Variants in PPP6R3 observed in about 807,000 individuals in gnomAD.
PPP6R3 encodes the protein serine/threonine-protein phosphatase 6 regulatory subunit 3.
PPP6R3 carries 38 observed loss-of-function variants against 110.7 expected under a neutral mutation model. The observed-to-expected ratio is 0.34, with a 90% CI of 0.26 to 0.45. The LOEUF (loss-of-function observed/expected upper bound fraction) is 0.45, where lower values mean the gene tolerates loss of function less well. PPP6R3 is among the 20% of genes least tolerant of loss of function. PPP6R3 has a pLI of 1.00. For synonymous variants in PPP6R3, 369 were observed against 373.5 expected (o/e 0.99, Z 0.14); for missense variants, 870 against 1,062.4 (o/e 0.82, Z 2.52).
rs2099595858 is a variant in PPP6R3, at chr11:68,591,723, T to TA, written c.1916+18dup. On this transcript the variant is annotated intron_variant, in intron 18 of 23. Transcript: ENST00000393800. ...ACGATCCAGGTGAAAGATAGTTGGT[T>TA]ATAGTTGTAATTATAGCCAACCTGT... is the stretch of plus-strand genomic sequence containing the variant. 10 of 1,601,910 alleles carry TA rather than the reference T, an allele frequency of 6.2e-6. No individual in the cohort carries two copies. Among genetic ancestry groups the TA allele is most frequent in the Non-Finnish European group, 7.7e-6 (9 of 1,175,408 alleles).
rs762895881 is a variant in PPP6R3, at chr11:68,558,676, C to T, written c.842C>T (p.Pro281Leu). 3 of 1,600,906 alleles carry T rather than the reference C, an allele frequency of 1.9e-6. No individual in the cohort carries two copies. The East Asian group carries it at 6.7e-5, about 36-fold the overall frequency. ...ILLTLLETRRPTFEGHIEICP... is the reference protein window; with the variant it reads ...ILLTLLETRRLTFEGHIEICP... ...CTGACTTTACTTGAGACACGACGAC[C>T]AACGTAAGCTTTTCTTATATCTTAC... The change falls in exon 8 of 24, where the codon CCA (proline) becomes CTA (leucine). Residue 281 changes from proline to leucine, a missense_variant. By Grantham distance (98) the Pro-to-Leu change is moderately conservative. Transcript: ENST00000393800.
At chr11:68,509,322 A>G (rs1189336028) in intron 1 of PPP6R3, among the ~76,000 whole-genome samples, 1 of 152,152 alleles carries the variant, frequency 6.6e-6, no homozygotes, top group Non-Finnish European at 1.5e-5. Context: ...ATGTCTGGAT[A>G]CTGTCAGTTA....
chr11:68,590,763 A>C (rs762154610), intron 17 of PPP6R3, 49 bp downstream of exon 17: 4 of 1,505,968 alleles, frequency 2.7e-6, no homozygotes, highest in Non-Finnish European at 2.7e-6. Context: ...GAGGTTAAAA[A>C]TTGGGTGAGT....
intron 3 of PPP6R3, among the ~76,000 whole-genome samples, chr11:68,538,544 T>C (rs1282247402): frequency 6.6e-6 from 1 of 152,188 alleles, no homozygotes; most frequent in Admixed American, 6.5e-5. Context: ...ATAGAGCAAC[T>C]TCAGAAACAA....
At chr11:68,562,144 A>T (rs988882202) in intron 8 of PPP6R3, among the ~76,000 whole-genome samples, 4 of 152,150 alleles carry the variant, frequency 2.6e-5, no homozygotes, top group Admixed American at 6.5e-5. Context: ...TTGCATTTCT[A>T]TGTACTAGGA....
chr11:68,560,931 C>G (rs2099416839), intron 8 of PPP6R3, among the ~76,000 whole-genome samples: 1 of 129,380 alleles, frequency 7.7e-6, no homozygotes, highest in Non-Finnish European at 1.6e-5. Flanking sequence ...GAGTCTCGTT[C>G]TGTCACCCAG....
At chr11:68,612,806 G>A in intron 23 of PPP6R3, 1 of 553,096 alleles carries the variant, frequency 1.8e-6, no homozygotes. Flanking sequence ...AGGCCGCGGT[G>A]GGGCGGTTCT....
At chr11:68,499,756 G>A (rs2099038352) in intron 1 of PPP6R3, among the ~76,000 whole-genome samples, 1 of 151,984 alleles carries the variant, frequency 6.6e-6, no homozygotes, top group Non-Finnish European at 1.5e-5. Flanking sequence ...TGTATATTTT[G>A]TAGTTGGAGT....
At position 68,570,970 on chromosome 11, in the gene PPP6R3, G is replaced by C. The variant is rs974886639; in HGVS notation, c.1279-70G>C. The C allele has an allele frequency of 1.6e-5, 24 of 1,523,824 alleles. No homozygotes were observed. The African/African-American group carries it at 3.2e-4, about 21-fold the overall frequency. The allele number at this position is 1,523,824 out of a possible 1,614,324, so 94.4% of individuals were successfully genotyped here. A position where few individuals can be genotyped will look rare whatever the true frequency, so the allele number is the denominator to read the frequency against. Reference sequence around the variant, plus strand: ...GCATACTACTATTCTCTTTAACCTAGAGTTCTGTTTCACTTTAAAGTTTTG... The same window carrying C: ...GCATACTACTATTCTCTTTAACCTACAGTTCTGTTTCACTTTAAAGTTTTG... On this transcript the variant is annotated intron_variant, in intron 11 of 23. Coordinates refer to ENST00000393800, the MANE Select transcript of PPP6R3 (RefSeq NM_001164161.2).
At chr11:68,549,617 C>T (rs1326204364) in intron 5 of PPP6R3, among the ~76,000 whole-genome samples, 1 of 152,018 alleles carries the variant, frequency 6.6e-6, no homozygotes, top group African/African-American at 2.4e-5. Flanking sequence ...GTTGAGGATT[C>T]TGGGGAAGAC....
intron 1 of PPP6R3, among the ~76,000 whole-genome samples, chr11:68,488,107 G>C (rs2098959949): frequency 6.6e-6 from 1 of 152,172 alleles, no homozygotes; most frequent in South Asian, 2.1e-4. Context: ...TTATCATTAT[G>C]TAATACCTCT....
intron 2 of PPP6R3, among the ~76,000 whole-genome samples, chr11:68,525,364 G>A (rs924203811): frequency 2.6e-5 from 4 of 152,130 alleles, no homozygotes; most frequent in African/African-American, 9.7e-5. Context: ...GAATAGCTAG[G>A]AGAGATTGAA....
intron 1 of PPP6R3, among the ~76,000 whole-genome samples, chr11:68,508,437 T>C (rs2099090668): frequency 6.6e-6 from 1 of 152,162 alleles, no homozygotes; most frequent in Non-Finnish European, 1.5e-5. Context: ...GCCGGCTTTT[T>C]GTTTTTAAAT....
chr11:68,529,289 G>A (rs1193680401), intron 2 of PPP6R3, among the ~76,000 whole-genome samples: 2 of 152,128 alleles, frequency 1.3e-5, no homozygotes, highest in Admixed American at 6.6e-5. Flanking sequence ...CACAATCTCG[G>A]CTCACTGCAA....
chr11:68,491,767 A>T (rs550699287), intron 1 of PPP6R3, among the ~76,000 whole-genome samples: 90 of 152,304 alleles, frequency 5.9e-4, no homozygotes, highest in Non-Finnish European at 1.1e-3. Flanking sequence ...ACTGAAACAC[A>T]GTAGCCATTA....
At chr11:68,610,279 T>C (rs1402760977) in intron 23 of PPP6R3, among the ~76,000 whole-genome samples, 2 of 152,190 alleles carry the variant, frequency 1.3e-5, no homozygotes, top group African/African-American at 4.8e-5. Flanking sequence ...ACTCGCTCTT[T>C]TAGAAGTGGC....
At chr11:68,552,623 A>T (rs558098173) in intron 6 of PPP6R3, among the ~76,000 whole-genome samples, 1 of 152,104 alleles carries the variant, frequency 6.6e-6, no homozygotes, top group Admixed American at 6.5e-5. Flanking sequence ...TGGGCAGGGG[A>T]GTGTGGTTCT....
At chr11:68,609,494 G>A (rs1942206779) in intron 22 of PPP6R3, 1 of 1,152,394 alleles carries the variant, frequency 8.7e-7, no homozygotes, top group African/African-American at 1.5e-5. Flanking sequence ...CCTTCACCGA[G>A]TCTGCAGTTT....
intron 1 of PPP6R3, among the ~76,000 whole-genome samples, chr11:68,464,224 C>CT: frequency 6.6e-6 from 1 of 152,172 alleles, no homozygotes; most frequent in Non-Finnish European, 1.5e-5. Flanking sequence ...CCTCTGCCTC[C>CT]TGGGTTCAAG....
Sources: allele counts gnomAD v4.1 joint callset (sites outside exome capture counted in the v4.1 genomes callset), GRCh38; gene constraint gnomAD v4.1.1; transcripts MANE v1.5; gene names NCBI Gene and HGNC (gene_info 2026-07-23, HGNC 2026-07-21).